Variants in PCDH9 observed in about 807,000 individuals in gnomAD.
PCDH9 encodes the protein protocadherin 9, also known as protocadherin-9.
PCDH9 carries 24 observed loss-of-function variants against 70.6 expected under a neutral mutation model. The observed-to-expected ratio is 0.34, with a 90% CI of 0.25 to 0.48. The LOEUF is 0.48. Ranked by LOEUF, PCDH9 falls within the 20% of genes least tolerant of loss-of-function variation. The pLI is 0.99. For missense variants in PCDH9, 1,281 were observed against 1,503.6 expected, an observed-to-expected ratio of 0.85 and a Z score of 2.45; for synonymous variants, 562 against 558.5, an observed-to-expected ratio of 1.01 and a Z score of -0.09.
At chr13:66,669,984 G>C (rs1344657728) in intron 3 of PCDH9, among the ~76,000 whole-genome samples, 3 of 152,006 alleles carry the variant, frequency 2.0e-5, no homozygotes, top group Non-Finnish European at 2.9e-5. Flanking sequence ...GTGCACTTCA[G>C]TCTCCACCAA....
rs1182953003 is a variant in PCDH9 at position 66,631,342 on chromosome 13, C to A, written c.3208G>T (p.Asp1070Tyr). 1.9e-6 allele frequency: 3 copies of A among 1,610,560 alleles called. No homozygotes were observed. Among genetic ancestry groups the A allele is most frequent in the Non-Finnish European group, 2.5e-6 (3 of 1,176,804 alleles). Residue 1070 changes from aspartate (D) to tyrosine (Y), a missense_variant, in exon 4 of 5, where the codon GAC (aspartate) becomes TAC (tyrosine). Coordinates refer to ENST00000377865, the MANE Select transcript of PCDH9 (RefSeq NM_203487.3). The part of the protein sequence containing the change: ...QESCSDSGLG[D>Y]HEPVGSGTLI... The stretch of plus-strand genomic sequence containing the variant: ...GTTCCACTACCCACCGGCTCATGGT[C>A]TCCTAGACCACTGTCACTGCAGCTT...
At chr13:67,209,879 A>G in intron 2 of PCDH9, 1 of 152,054 alleles carries the variant, frequency 6.6e-6, no homozygotes, top group East Asian at 1.9e-4. Context: ...CATGAGACTG[A>G]CAAGTTCTTC....
intron 4 of PCDH9, among the ~76,000 whole-genome samples, chr13:66,326,493 A>ACTCGGAGCT (rs1428085456): frequency 9.9e-5 from 15 of 150,806 alleles, no homozygotes; most frequent in Non-Finnish European, 1.9e-4. Context: ...ATCTCGGCTC[A>ACTCGGAGCT]CTGCAAGCTC....
At chr13:66,420,933 T>G (rs1490183010) in intron 4 of PCDH9, among the ~76,000 whole-genome samples, 1 of 152,036 alleles carries the variant, frequency 6.6e-6, no homozygotes, top group African/African-American at 2.4e-5. Flanking sequence ...GCTAAGAACC[T>G]TGATAAAAGA....
In PCDH9 at chr13:67,024,307, G is replaced by A. The variant is rs115408253; in HGVS notation, c.3037-120702C>T. 3.5e-3 allele frequency among the ~76,000 whole-genome samples: 537 copies of A among 152,286 alleles called. 3 individuals carry two copies. The highest frequency in any genetic ancestry group is 0.012 in the African/African-American group (514 of 41,576). On this transcript the variant is annotated intron_variant, in intron 2 of 4. Transcript: ENST00000377865. ...TACTAAAAAGCAAACATTTGTATCA[G>A]AGTTGGGTAACTACAGTAATGCTCA...
intron 4 of PCDH9, among the ~76,000 whole-genome samples, chr13:66,452,330 T>C (rs1958230544): frequency 6.6e-6 from 1 of 152,144 alleles, no homozygotes; most frequent in South Asian, 2.1e-4. Flanking sequence ...ATCCAAAGCA[T>C]AGCATAATAA....
At position 66,849,517 on chromosome 13, in the gene PCDH9, T is replaced by TATAGAGAG. The variant is rs1272589939; in HGVS notation, c.3138+53986_3138+53987insCTCTCTAT. Reference sequence around the variant, plus strand: ...ATATATATATATATATATATATATATAGAGAGAGAGAGAGAGAGAGAGAGA... The same window carrying TATAGAGAG: ...ATATATATATATATATATATATATATATAGAGAGAGAGAGAGAGAGAGAGAGAGAGAGA... On this transcript the variant is annotated intron_variant, in intron 3 of 4. Coordinates refer to ENST00000377865, the MANE Select transcript of PCDH9 (RefSeq NM_203487.3). Among the ~76,000 whole-genome samples, 126 of 63,548 alleles carry TATAGAGAG rather than the reference T, an allele frequency of 2.0e-3. 1 individual carries two copies. The highest frequency in any genetic ancestry group is 5.7e-3 in the Admixed American group (29 of 5,054). 41.7% of individuals were successfully genotyped at this position (63,548 alleles called of 152,430 possible). A position where few individuals can be genotyped will look rare whatever the true frequency, so the allele number is the denominator to read the frequency against.
At chr13:67,097,109 G>T (rs1050313722) in intron 2 of PCDH9, among the ~76,000 whole-genome samples, 14 of 148,966 alleles carry the variant, frequency 9.4e-5, no homozygotes, top group African/African-American at 1.7e-4. Context: ...AAAAAAATTA[G>T]CTGGGCATGG....
intron 3 of PCDH9, among the ~76,000 whole-genome samples, chr13:66,640,761 A>T (rs2077698185): frequency 6.6e-6 from 1 of 152,218 alleles, no homozygotes; most frequent in Non-Finnish European, 1.5e-5. Context: ...CTGTACAATA[A>T]GGTTGTTTAA....
intron 4 of PCDH9, among the ~76,000 whole-genome samples, chr13:66,428,668 A>G (rs1957715554): frequency 6.6e-6 from 1 of 151,792 alleles, no homozygotes; most frequent in African/African-American, 2.4e-5. Flanking sequence ...ATGTATTTCT[A>G]AAACGAATAT....
chr13:66,342,825 TATTA>T (rs1566255184), intron 4 of PCDH9, among the ~76,000 whole-genome samples: 4 of 150,600 alleles, frequency 2.7e-5, no homozygotes, highest in Non-Finnish European at 5.9e-5. Context: ...TTTATTTATT[TATTA>T]GAGATGAGTT....
intron 3 of PCDH9, among the ~76,000 whole-genome samples, chr13:66,717,920 T>A (rs191035104): frequency 6.6e-6 from 1 of 152,318 alleles, no homozygotes; most frequent in Admixed American, 6.5e-5. Flanking sequence ...ATCATTTTGG[T>A]ATTCCCAACA....
intron 3 of PCDH9, among the ~76,000 whole-genome samples, chr13:66,711,812 C>T (rs1300307503): frequency 1.3e-5 from 2 of 152,172 alleles, no homozygotes; most frequent in Non-Finnish European, 2.9e-5. Context: ...TTTTAAAGAA[C>T]ATCTGCTGCA....
At chr13:66,333,547 G>T (rs142245502) in intron 4 of PCDH9, among the ~76,000 whole-genome samples, 1 of 152,254 alleles carries the variant, frequency 6.6e-6, no homozygotes, top group African/African-American at 2.4e-5. Context: ...TTTTAAAATA[G>T]AATGACTTAA....
intron 3 of PCDH9, among the ~76,000 whole-genome samples, chr13:66,683,888 A>G (rs1306797983): frequency 6.6e-6 from 1 of 152,208 alleles, no homozygotes; most frequent in Non-Finnish European, 1.5e-5. Flanking sequence ...AATGTAGTTC[A>G]TAGTGATATA....
chr13:66,998,292 A>G (rs2084164938), intron 2 of PCDH9, among the ~76,000 whole-genome samples: 1 of 152,202 alleles, frequency 6.6e-6, no homozygotes, highest in African/African-American at 2.4e-5. Flanking sequence ...CTTGGAATTG[A>G]AGAAAATTAA....
chr13:66,478,342 A>G (rs1958771413), intron 4 of PCDH9, among the ~76,000 whole-genome samples: 1 of 152,198 alleles, frequency 6.6e-6, no homozygotes, highest in South Asian at 2.1e-4. Context: ...TAGTAAGCCT[A>G]CGATGGCCTC....
chr13:66,855,856 T>C (rs1044421645), intron 3 of PCDH9, among the ~76,000 whole-genome samples: 2 of 151,952 alleles, frequency 1.3e-5, no homozygotes, highest in Admixed American at 6.6e-5. Flanking sequence ...TCTACTTGTG[T>C]AAAAATGAGA....
intron 2 of PCDH9, among the ~76,000 whole-genome samples, chr13:66,956,990 G>T (rs1009835363): frequency 6.6e-6 from 1 of 151,954 alleles, no homozygotes; most frequent in African/African-American, 2.4e-5. Flanking sequence ...TTTTCACAGG[G>T]GCTACTCTAA....
Sources: gnomAD v4.1 joint callset for allele counts (sites outside exome capture counted in the v4.1 genomes callset) on GRCh38, gnomAD v4.1.1 for gene constraint, MANE v1.5 for transcripts, NCBI Gene and HGNC (gene_info 2026-07-23, HGNC 2026-07-21) for gene names.